The following ATP9B variants were observed in gnomAD, a reference collection of about 807,000 sequenced individuals.
ATP9B encodes probable phospholipid-transporting ATPase IIB.
Under a neutral mutation model 146.1 loss-of-function variants are expected in ATP9B, and 110 were observed. The ratio of observed to expected loss-of-function variants is 0.75; its 90% CI spans 0.65 to 0.88. ATP9B has a LOEUF of 0.88. Ranked by LOEUF, ATP9B falls within the 40% of genes least tolerant of loss-of-function variation. ATP9B has a pLI of 0.00. For synonymous variants in ATP9B, 604 were observed against 569.7 expected (o/e 1.06, Z -0.86); for missense variants, 1,499 against 1,496.4 (o/e 1.00, Z -0.03).
intron 15 of ATP9B, among the ~76,000 whole-genome samples, chr18:79,323,478 T>A (rs2096727339): frequency 1.3e-5 from 2 of 152,210 alleles, no homozygotes; most frequent in Admixed American, 1.3e-4. Context: ...TCCCGGACTC[T>A]GGTAACCATC....
chr18:79,332,526 T>C (rs2096797240), intron 17 of ATP9B, among the ~76,000 whole-genome samples: 1 of 152,222 alleles, frequency 6.6e-6, no homozygotes, highest in South Asian at 2.1e-4. Flanking sequence ...ACTTTCTTCC[T>C]CATGGTCTTC....
chr18:79,094,609 A>T (rs991459140), intron 1 of ATP9B, among the ~76,000 whole-genome samples: 9 of 152,162 alleles, frequency 5.9e-5, no homozygotes, highest in Non-Finnish European at 8.8e-5. Context: ...AGGAAAAAAG[A>T]AAAAAACGTT....
chr18:79,306,254 G>GT (rs2096619750), intron 14 of ATP9B, among the ~76,000 whole-genome samples: 2 of 152,308 alleles, frequency 1.3e-5, no homozygotes, highest in Middle Eastern at 3.4e-3. Flanking sequence ...TGTTGGGGTT[G>GT]GGGGGAGTGT....
At chr18:79,092,726 C>T (rs2074446277) in intron 1 of ATP9B, among the ~76,000 whole-genome samples, 2 of 144,722 alleles carry the variant, frequency 1.4e-5, no homozygotes, top group Non-Finnish European at 3.0e-5. Context: ...TCATCAATAT[C>T]ACTATCTTCC....
chr18:79,340,909 C>G (rs1229727260), intron 19 of ATP9B, among the ~76,000 whole-genome samples: 1 of 152,222 alleles, frequency 6.6e-6, no homozygotes, highest in Non-Finnish European at 1.5e-5. Context: ...CTGGCAAACC[C>G]TGACTGTGTG....
At chr18:79,178,733 C>G (rs1214684735) in intron 8 of ATP9B, among the ~76,000 whole-genome samples, 3 of 152,070 alleles carry the variant, frequency 2.0e-5, no homozygotes, top group Non-Finnish European at 4.4e-5. Flanking sequence ...AGTCATACTG[C>G]ATGTCTTTTT....
intron 12 of ATP9B, among the ~76,000 whole-genome samples, chr18:79,271,625 A>G (rs1161892479): frequency 6.6e-6 from 1 of 152,108 alleles, no homozygotes; most frequent in Non-Finnish European, 1.5e-5. Flanking sequence ...CATTTTCTTA[A>G]TCCAGTCTAT....
At chr18:79,256,286 T>TATACAC (rs398033647) in intron 12 of ATP9B, among the ~76,000 whole-genome samples, 2 of 123,074 alleles carry the variant, frequency 1.6e-5, no homozygotes, top group Admixed American at 8.1e-5. Flanking sequence ...TATATATATA[T>TATACAC]ACATACATAG....
chr18:79,187,144 C>G (rs942753491), intron 8 of ATP9B, among the ~76,000 whole-genome samples: 1 of 152,240 alleles, frequency 6.6e-6, no homozygotes, highest in Admixed American at 6.5e-5. Context: ...TCCTGAACTT[C>G]ATCCTTTCAC....
At chr18:79,205,519 A>G (rs951658816) in intron 9 of ATP9B, among the ~76,000 whole-genome samples, 4 of 151,834 alleles carry the variant, frequency 2.6e-5, no homozygotes, top group African/African-American at 4.8e-5. Flanking sequence ...ATAGCAAATT[A>G]TCATTTCATA....
At position 79,307,247 on chromosome 18, in the gene ATP9B, A is replaced by T. The variant is rs756936195; in HGVS notation, c.1773+13A>T. Reference sequence around the variant, plus strand: ...CAGCCCGGATGAGGTCAGTCAAAGCACAAAACCGTGGGAGCTTGTCCGTTC... The same window carrying T: ...CAGCCCGGATGAGGTCAGTCAAAGCTCAAAACCGTGGGAGCTTGTCCGTTC... On this transcript the variant is annotated intron_variant, in intron 15 of 29. Coordinates refer to ENST00000426216, the MANE Select transcript of ATP9B (RefSeq NM_198531.5). 6.2e-7 allele frequency: 1 copy of T among 1,613,988 alleles called. No homozygotes were observed.
At chr18:79,203,242 G>T (rs1322905662) in intron 9 of ATP9B, among the ~76,000 whole-genome samples, 1 of 151,602 alleles carries the variant, frequency 6.6e-6, no homozygotes, top group Non-Finnish European at 1.5e-5. Flanking sequence ...GCAGGTACCT[G>T]ATGAGCGATA....
chr18:79,200,986 G>A lies in ATP9B; in HGVS notation c.955-5951G>A, dbSNP rs1015453412. Among the ~76,000 whole-genome samples, 6 of 152,316 alleles carry A rather than the reference G, an allele frequency of 3.9e-5. No homozygotes were observed. In the South Asian group the frequency reaches 8.3e-4, roughly 21 times the overall value. On this transcript the variant is annotated intron_variant, in intron 9 of 29. Transcript: ENST00000426216. ...AAGTGTTGAGCACAAACTGAATTTA[G>A]GAACGGGAATGGCTTCACCCCATGA...
intron 4 of ATP9B, among the ~76,000 whole-genome samples, chr18:79,122,377 C>T (rs911021410): frequency 1.3e-4 from 20 of 152,210 alleles, no homozygotes; most frequent in Non-Finnish European, 2.4e-4. Context: ...GCATATTTTT[C>T]ATGTTACTAA....
intron 11 of ATP9B, among the ~76,000 whole-genome samples, chr18:79,227,531 A>T (rs1262042486): frequency 6.6e-6 from 1 of 152,124 alleles, no homozygotes; most frequent in Non-Finnish European, 1.5e-5. Context: ...GGATGGGTGG[A>T]TGGATGATGA....
At chr18:79,161,138 T>G (rs1214300645) in intron 7 of ATP9B, among the ~76,000 whole-genome samples, 1 of 152,212 alleles carries the variant, frequency 6.6e-6, no homozygotes, top group African/African-American at 2.4e-5. Flanking sequence ...TAAGCCATAG[T>G]AAGACAGAAA....
At chr18:79,271,643 G>A (rs1003281111) in intron 12 of ATP9B, among the ~76,000 whole-genome samples, 3 of 152,192 alleles carry the variant, frequency 2.0e-5, no homozygotes, top group Admixed American at 2.0e-4. Context: ...TATCACTGAT[G>A]GACATTTGGG....
At chr18:79,137,609 G>A (rs1013407840) in intron 5 of ATP9B, among the ~76,000 whole-genome samples, 6 of 152,132 alleles carry the variant, frequency 3.9e-5, no homozygotes, top group Non-Finnish European at 2.9e-5. Context: ...GATATCCCCC[G>A]TCACTGCCTT....
intron 11 of ATP9B, among the ~76,000 whole-genome samples, chr18:79,222,943 G>A (rs1356007090): frequency 6.6e-6 from 1 of 152,212 alleles, no homozygotes; most frequent in Admixed American, 6.5e-5. Flanking sequence ...AATCAATTGT[G>A]ACAGGTTGCC....
Sources: gnomAD v4.1 joint callset for allele counts (sites outside exome capture counted in the v4.1 genomes callset) on GRCh38, gnomAD v4.1.1 for gene constraint, MANE v1.5 for transcripts, NCBI Gene and HGNC (gene_info 2026-07-23, HGNC 2026-07-21) for gene names.